MYO1D: variants seen among roughly 807,000 people sequenced by gnomAD.
MYO1D encodes myosin ID.
A neutral mutation model predicts 122.0 loss-of-function variants in MYO1D; 83 were observed. The observed-to-expected ratio is 0.68, with a 90% confidence interval of 0.57 to 0.82. The LOEUF is 0.82. MYO1D is among the 40% of genes least tolerant of loss of function. The pLI is 0.00. For missense variants in MYO1D, 1,157 were observed against 1,269.5 expected, an observed-to-expected ratio of 0.91 and a Z score of 1.35; for synonymous variants, 464 against 446.9, an observed-to-expected ratio of 1.04 and a Z score of -0.48.
intron 16 of MYO1D, among the ~76,000 whole-genome samples, chr17:32,677,732 C>T (rs760210869): frequency 4.0e-5 from 6 of 151,792 alleles, no homozygotes; most frequent in African/African-American, 7.3e-5. Context: ...TGGTTTCATT[C>T]GAAGTCAGAA....
intron 7 of MYO1D, among the ~76,000 whole-genome samples, chr17:32,766,044 C>T (rs975899183): frequency 2.0e-5 from 3 of 152,004 alleles, no homozygotes; most frequent in African/African-American, 7.3e-5. Context: ...GCCACCATGC[C>T]TGGCTAATTT....
At chr17:32,508,915 A>C (rs1387113056) in intron 21 of MYO1D, among the ~76,000 whole-genome samples, 2 of 152,216 alleles carry the variant, frequency 1.3e-5, no homozygotes, top group Non-Finnish European at 2.9e-5. Context: ...TCATGTCCCT[A>C]TCAACAGCTC....
rs2089928954 is a variant in MYO1D, at chr17:32,754,645, T to C, written c.1467+847A>G. 3.3e-5 allele frequency among the ~76,000 whole-genome samples: 5 copies of C among 152,356 alleles called. No individual in the cohort carries two copies. The South Asian group carries it at 1.0e-3, about 32-fold the overall frequency. On this transcript the variant is annotated intron_variant, in intron 11 of 21. Transcript: ENST00000318217. ...AAAATGGCAGTGTCAGAGATTTACA[T>C]GGAACTCTGGAGAGGCAGAAATGTT...
intron 20 of MYO1D, among the ~76,000 whole-genome samples, chr17:32,618,894 C>T (rs1466245827): frequency 1.3e-5 from 2 of 152,146 alleles, no homozygotes; most frequent in Non-Finnish European, 2.9e-5. Context: ...TTCGGCCTCC[C>T]AAAGTGCTGG....
chr17:32,571,770 A>AT (rs1471718918), intron 21 of MYO1D, among the ~76,000 whole-genome samples: 2 of 152,170 alleles, frequency 1.3e-5, no homozygotes, highest in African/African-American at 2.4e-5. Flanking sequence ...AGAAAATCTG[A>AT]TTTTGTCGAG....
intron 21 of MYO1D, among the ~76,000 whole-genome samples, chr17:32,528,532 C>A (rs1910416436): frequency 6.6e-6 from 1 of 152,018 alleles, no homozygotes; most frequent in Non-Finnish European, 1.5e-5. Context: ...GCCCTCCCAC[C>A]CCCAAATATC....
Position 32,748,981 on chromosome 17 carries a change from T to C in MYO1D, c.1493A>G (p.Glu498Gly). ...TCGAATTCGAAAATCTCGATCAAACTCCAGAATTTTGTCTGAGGCACAGAG... is the reference window on the plus strand; with the variant it reads ...TCGAATTCGAAAATCTCGATCAAACCCCAGAATTTTGTCTGAGGCACAGAG... ...RKLCASDKIL[E>G]FDRDFRIRHY... The change falls in exon 12 of 22, where the codon GAG (glutamate) becomes GGG (glycine). Residue 498 changes from glutamate (E) to glycine (G), a missense_variant. Glu to Gly is a moderately conservative substitution (Grantham distance 98, BLOSUM62 -2). Transcript: ENST00000318217. 1 of 1,613,838 alleles carries C rather than the reference T, an allele frequency of 6.2e-7. No individual in the cohort carries two copies. The highest frequency in any genetic ancestry group is 8.5e-7 in the Non-Finnish European group (1 of 1,179,806).
At chr17:32,545,093 T>C (rs2086955025) in intron 21 of MYO1D, among the ~76,000 whole-genome samples, 1 of 152,186 alleles carries the variant, frequency 6.6e-6, no homozygotes, top group South Asian at 2.1e-4. Flanking sequence ...TTGTTCCATC[T>C]TGCCCCTCTC....
chr17:32,867,259 G>A (rs1404465831), intron 1 of MYO1D, among the ~76,000 whole-genome samples: 1 of 149,774 alleles, frequency 6.7e-6, no homozygotes, highest in Non-Finnish European at 1.5e-5. Context: ...CCAGGAGGCG[G>A]AAGTTGCAGT....
chr17:32,867,864 T>C (rs1029548787), intron 1 of MYO1D, among the ~76,000 whole-genome samples: 1 of 137,230 alleles, frequency 7.3e-6, no homozygotes, highest in African/African-American at 2.8e-5. Context: ...GGAGATTATA[T>C]GAAAAACATA....
intron 1 of MYO1D, among the ~76,000 whole-genome samples, chr17:32,818,252 G>A (rs924917848): frequency 1.3e-5 from 2 of 151,594 alleles, no homozygotes; most frequent in African/African-American, 4.8e-5. Context: ...CCTGCAAATA[G>A]TCTGTAAACA....
intron 21 of MYO1D, among the ~76,000 whole-genome samples, chr17:32,569,011 A>T (rs190224639): frequency 6.6e-5 from 10 of 152,324 alleles, no homozygotes; most frequent in Admixed American, 6.5e-4. Flanking sequence ...TATGTAGAGG[A>T]GTGTTTTGTA....
intron 1 of MYO1D, among the ~76,000 whole-genome samples, chr17:32,781,685 G>A (rs1332530801): frequency 2.9e-5 from 4 of 138,594 alleles, no homozygotes; most frequent in Non-Finnish European, 6.1e-5. Context: ...TGTGGAAGGA[G>A]AGAAATAAAG....
intron 1 of MYO1D, among the ~76,000 whole-genome samples, chr17:32,842,360 T>C (rs558770669): frequency 6.6e-6 from 1 of 152,294 alleles, no homozygotes; most frequent in Admixed American, 6.5e-5. Context: ...AGACAGTTAA[T>C]CCCAGCAGTG....
intron 1 of MYO1D, among the ~76,000 whole-genome samples, chr17:32,802,758 G>A (rs1252960275): frequency 6.6e-6 from 1 of 152,106 alleles, no homozygotes; most frequent in Admixed American, 6.5e-5. Context: ...TATACATACA[G>A]ATAAATTTCA....
At chr17:32,735,971 C>A (rs1598051611) in intron 14 of MYO1D, among the ~76,000 whole-genome samples, 1 of 151,718 alleles carries the variant, frequency 6.6e-6, no homozygotes. Flanking sequence ...GGATTTTCCA[C>A]CTATCTAGTC....
At chr17:32,532,144 C>T (rs1040750136) in intron 21 of MYO1D, among the ~76,000 whole-genome samples, 8 of 152,276 alleles carry the variant, frequency 5.3e-5, no homozygotes, top group East Asian at 1.9e-4. Flanking sequence ...CCAATTTAAG[C>T]GGTGAGAAGT....
chr17:32,844,390 C>G (rs1007570646), intron 1 of MYO1D, among the ~76,000 whole-genome samples: 3 of 144,514 alleles, frequency 2.1e-5, no homozygotes, highest in Non-Finnish European at 4.5e-5. Flanking sequence ...TGTATATATA[C>G]TATATATAAT....
chr17:32,563,799 T>C (rs1253135789), intron 21 of MYO1D, among the ~76,000 whole-genome samples: 2 of 152,222 alleles, frequency 1.3e-5, no homozygotes, highest in East Asian at 3.8e-4. Flanking sequence ...GCTGCACACG[T>C]GGCATTCAAT....
Sources: gnomAD v4.1 joint callset for allele counts (sites outside exome capture counted in the v4.1 genomes callset) on GRCh38, gnomAD v4.1.1 for gene constraint, MANE v1.5 for transcripts, NCBI Gene and HGNC (gene_info 2026-07-23, HGNC 2026-07-21) for gene names.